The following LRRC37A2 variants were observed in gnomAD, a reference collection of about 807,000 sequenced individuals.
LRRC37A2 encodes leucine rich repeat containing 37 member A2, also known as leucine-rich repeat-containing protein 37A2.
LRRC37A2 carries 9 observed loss-of-function variants against 68.8 expected under a neutral mutation model. The ratio of observed to expected loss-of-function variants is 0.13; its 90% CI spans 0.08 to 0.23. The LOEUF (loss-of-function observed/expected upper bound fraction) is 0.23, where lower values mean the gene tolerates loss of function less well. Ranked by LOEUF, LRRC37A2 falls within the 10% of genes least tolerant of loss-of-function variation. The pLI, the probability that LRRC37A2 is intolerant of heterozygous loss-of-function variation, is 1.00. For synonymous variants in LRRC37A2, 63 were observed against 367.6 expected (o/e 0.17, Z 9.48); for missense variants, 168 against 950.4 (o/e 0.18, Z 10.82).
chr17:46,676,235 T>C, the LRRC37A2 span, among the ~76,000 whole-genome samples: 1 of 111,698 alleles, frequency 9.0e-6, no homozygotes, highest in Non-Finnish European at 2.3e-5. Flanking sequence ...TTCTTCTTCT[T>C]TTTTTTTTTT....
the LRRC37A2 span, among the ~76,000 whole-genome samples, chr17:46,922,504 G>GA: frequency 1.3e-5 from 2 of 151,454 alleles, no homozygotes; most frequent in African/African-American, 4.8e-5. Context: ...ATAAAATAAA[G>GA]AAAAAAAATC....
the LRRC37A2 span, among the ~76,000 whole-genome samples, chr17:46,715,670 G>A: frequency 6.6e-6 from 1 of 152,150 alleles, no homozygotes; most frequent in Non-Finnish European, 1.5e-5. Flanking sequence ...TTGTAAGTGT[G>A]AGATATTATC....
At chr17:46,494,360 T>TAAC in the LRRC37A2 span, among the ~76,000 whole-genome samples, 1 of 148,714 alleles carries the variant, frequency 6.7e-6, no homozygotes, top group Non-Finnish European at 1.5e-5. Flanking sequence ...CAGCTCTACC[T>TAAC]AACCCAGACC....
At chr17:46,493,532 AT>A in the LRRC37A2 span, among the ~76,000 whole-genome samples, 16 of 108,210 alleles carry the variant, frequency 1.5e-4, no homozygotes, top group East Asian at 2.4e-4. Context: ...CTTTTATTTT[AT>A]TTTATTTATT....
chr17:46,990,222 C>T, the LRRC37A2 span, among the ~76,000 whole-genome samples: 1 of 152,162 alleles, frequency 6.6e-6, no homozygotes, highest in Non-Finnish European at 1.5e-5. Flanking sequence ...AGAGTCAAAA[C>T]AATAGTGAAA....
the LRRC37A2 span, among the ~76,000 whole-genome samples, chr17:46,887,008 G>T: frequency 6.6e-6 from 1 of 152,072 alleles, no homozygotes; most frequent in Non-Finnish European, 1.5e-5. Context: ...GTAGAGACGG[G>T]GTTTCACCAT....
chr17:46,722,770 G>A, the LRRC37A2 span, among the ~76,000 whole-genome samples: 198 of 152,292 alleles, frequency 1.3e-3, no homozygotes, highest in African/African-American at 4.7e-3. Context: ...GGATGTGTGT[G>A]TATGTATGTA....
the LRRC37A2 span, among the ~76,000 whole-genome samples, chr17:46,972,584 GC>G: frequency 6.6e-6 from 1 of 152,224 alleles, no homozygotes; most frequent in Non-Finnish European, 1.5e-5. Flanking sequence ...GTTGGCCTCT[GC>G]CCATCTGGCT....
chr17:46,492,255 G>A, the LRRC37A2 span, among the ~76,000 whole-genome samples: 9 of 151,314 alleles, frequency 5.9e-5, 1 homozygote, highest in African/African-American at 1.7e-4. Context: ...GTGAGCCATC[G>A]CGCCCGGCCC....
chr17:46,830,495 C>T, the LRRC37A2 span: 2 of 394,006 alleles, frequency 5.1e-6, no homozygotes. Flanking sequence ...CTCAGGAGAT[C>T]CTCCCCTCTC....
chr17:46,475,892 CAGAG>C, the LRRC37A2 span, among the ~76,000 whole-genome samples: 1 of 74,896 alleles, frequency 1.3e-5, no homozygotes, highest in East Asian at 2.7e-4. Flanking sequence ...ACTTTGGAGT[CAGAG>C]AGATCGTGTC....
the LRRC37A2 span, among the ~76,000 whole-genome samples, chr17:46,499,342 G>GGC: frequency 3.6e-5 from 5 of 139,500 alleles, no homozygotes; most frequent in Admixed American, 1.4e-4. Flanking sequence ...AAAAGGTGGG[G>GGC]GGACAATGTT....
At chr17:46,888,677 T>C in the LRRC37A2 span, among the ~76,000 whole-genome samples, 2 of 152,154 alleles carry the variant, frequency 1.3e-5, no homozygotes, top group Admixed American at 1.3e-4. Context: ...CACTGTCTGG[T>C]TGCTCATCTT....
chr17:46,773,733 C>A, the LRRC37A2 span: 1 of 1,592,718 alleles, frequency 6.3e-7, no homozygotes. Context: ...CCAGCGGCGG[C>A]CCCGGAACTG....
the LRRC37A2 span, among the ~76,000 whole-genome samples, chr17:46,953,534 A>T: frequency 3.3e-5 from 5 of 152,324 alleles, no homozygotes; most frequent in East Asian, 9.6e-4. Flanking sequence ...TTATAGCAGC[A>T]TGATTTATAA....
chr17:46,832,902 T>C, the LRRC37A2 span: 4,139 of 172,164 alleles, frequency 0.024, 170 homozygotes, highest in African/African-American at 0.087. Context: ...TCTGGACTTC[T>C]AGGAATCCTC....
the LRRC37A2 span, among the ~76,000 whole-genome samples, chr17:46,994,064 G>A: frequency 3.0e-4 from 45 of 152,290 alleles, no homozygotes; most frequent in African/African-American, 9.9e-4. Flanking sequence ...TGACTATACC[G>A]TGGAATCACC....
At chr17:46,743,095 G>A in the LRRC37A2 span, among the ~76,000 whole-genome samples, 105 of 152,184 alleles carry the variant, frequency 6.9e-4, no homozygotes, top group African/African-American at 2.4e-3. Flanking sequence ...TCCTTCGGAG[G>A]GGGTGTCTGA....
the LRRC37A2 span, among the ~76,000 whole-genome samples, chr17:46,742,160 A>G: frequency 1.3e-5 from 2 of 152,242 alleles, no homozygotes; most frequent in Non-Finnish European, 2.9e-5. Context: ...TCAATTGATT[A>G]AAAGAGATAA....
Sources: allele counts gnomAD v4.1 joint callset (sites outside exome capture counted in the v4.1 genomes callset), GRCh38; gene constraint gnomAD v4.1.1; transcripts MANE v1.5; gene names NCBI Gene and HGNC (gene_info 2026-07-23, HGNC 2026-07-21).